THSD7B: variants seen among roughly 807,000 people sequenced by gnomAD.
THSD7B encodes thrombospondin type 1 domain containing 7B.
Under a neutral mutation model 213.6 loss-of-function variants are expected in THSD7B, and 138 were observed. The ratio of observed to expected loss-of-function variants is 0.65; its 90% CI spans 0.56 to 0.74. The LOEUF (loss-of-function observed/expected upper bound fraction) is 0.74. Ranked by LOEUF, THSD7B falls within the 30% of genes least tolerant of loss-of-function variation. The pLI is 0.00. For missense variants in THSD7B, 1,931 were observed against 1,991.5 expected (o/e 0.97, Z 0.58); for synonymous variants, 742 against 687.0 (o/e 1.08, Z -1.25).
At chr2:137,440,682 A>G (rs563848083) in intron 14 of THSD7B, among the ~76,000 whole-genome samples, 34 of 152,160 alleles carry the variant, frequency 2.2e-4, no homozygotes, top group African/African-American at 7.7e-4. Flanking sequence ...ATTTTATGTG[A>G]AATCTCCCAA....
chr2:137,625,820 T>C (rs1160445609), intron 20 of THSD7B, among the ~76,000 whole-genome samples: 2 of 152,226 alleles, frequency 1.3e-5, no homozygotes, highest in Admixed American at 1.3e-4. Context: ...GGAAACTCTG[T>C]GGCAGCTCCA....
intron 3 of THSD7B, among the ~76,000 whole-genome samples, chr2:137,079,862 T>A (rs1208838720): frequency 6.6e-6 from 1 of 152,158 alleles, no homozygotes; most frequent in African/African-American, 2.4e-5. Flanking sequence ...TGTTCTGGGA[T>A]GGAGTCTCAC....
chr2:136,769,594 T>G (rs990600760), intron 1 of THSD7B, among the ~76,000 whole-genome samples: 1 of 152,168 alleles, frequency 6.6e-6, no homozygotes, highest in Admixed American at 6.5e-5. Context: ...AGAACTACTT[T>G]AAGTGTGTAT....
At chr2:137,477,150 T>G (rs1244456741) in intron 15 of THSD7B, among the ~76,000 whole-genome samples, 1 of 152,232 alleles carries the variant, frequency 6.6e-6, no homozygotes, top group Non-Finnish European at 1.5e-5. Context: ...AGTCTGTCTC[T>G]TCCTGTAGAT....
intron 12 of THSD7B, among the ~76,000 whole-genome samples, chr2:137,311,843 C>T (rs376413701): frequency 0.15 from 21,735 of 145,476 alleles, 1,934 homozygotes; most frequent in Non-Finnish European, 0.2. Flanking sequence ...GCCTTGCATC[C>T]CAGGGATGAA....
intron 15 of THSD7B, among the ~76,000 whole-genome samples, chr2:137,531,961 G>T (rs997840741): frequency 1.3e-5 from 2 of 151,930 alleles, no homozygotes; most frequent in Non-Finnish European, 2.9e-5. Flanking sequence ...GCCAAATAGA[G>T]ATAATTAGCC....
chr2:137,584,238 G>T lies in THSD7B; in HGVS notation c.3423+11682G>T, dbSNP rs549057599. On this transcript the variant is annotated intron_variant, in intron 17 of 27. Coordinates refer to ENST00000409968, the MANE Select transcript of THSD7B (RefSeq NM_001316349.2). ...GCTTATCAGCTTAAGGAGATTTTGG[G>T]TTGAGATGATTAGGTTTTCTAAATA... 4.6e-5 allele frequency among the ~76,000 whole-genome samples: 7 copies of T among 152,310 alleles called. No individual in the cohort carries two copies. The South Asian group carries it at 6.2e-4, about 14-fold the overall frequency.
chr2:137,072,015 G>T (rs1347236478), intron 3 of THSD7B, among the ~76,000 whole-genome samples: 1 of 152,186 alleles, frequency 6.6e-6, no homozygotes, highest in Non-Finnish European at 1.5e-5. Flanking sequence ...CTGTAGCCTT[G>T]TAGTATAGTT....
chr2:137,363,519 GA>G (rs1685323789), intron 12 of THSD7B, among the ~76,000 whole-genome samples: 2 of 151,718 alleles, frequency 1.3e-5, no homozygotes, highest in Non-Finnish European at 1.5e-5. Context: ...AAAGAGAGAA[GA>G]ATCAAATAGA....
chr2:137,561,583 G>T (rs753679126), intron 15 of THSD7B, among the ~76,000 whole-genome samples: 2 of 152,124 alleles, frequency 1.3e-5, no homozygotes, highest in Non-Finnish European at 2.9e-5. Context: ...CATAAATTCA[G>T]TGAAAGCATC....
In THSD7B at chr2:137,073,489, A is replaced by C. The variant is rs189054738; in HGVS notation, c.950+16259A>C. 7.0e-3 allele frequency among the ~76,000 whole-genome samples: 1,065 copies of C among 152,162 alleles called. 13 individuals carry two copies. The highest frequency in any genetic ancestry group is 0.024 in the Middle Eastern group (7 of 294). On this transcript the variant is annotated intron_variant, in intron 3 of 27. Coordinates refer to ENST00000409968, the MANE Select transcript of THSD7B (RefSeq NM_001316349.2). The stretch of plus-strand genomic sequence containing the variant: ...TTTGATTCTTCTCTCTTTTCTTCTT[A>C]GTCTTGCTAGCGGTCTATCAATTTT...
At chr2:137,340,100 G>T (rs1242558720) in intron 12 of THSD7B, among the ~76,000 whole-genome samples, 1 of 151,784 alleles carries the variant, frequency 6.6e-6, no homozygotes, top group Admixed American at 6.6e-5. Flanking sequence ...GTCAATAAAA[G>T]TTGGAATCAC....
intron 1 of THSD7B, among the ~76,000 whole-genome samples, chr2:136,841,286 A>G (rs114447898): frequency 6.6e-6 from 1 of 152,118 alleles, no homozygotes; most frequent in African/African-American, 2.4e-5. Context: ...TTTAAAGGTA[A>G]TGCACATTTG....
intron 10 of THSD7B, among the ~76,000 whole-genome samples, chr2:137,271,429 A>ATGGCTTCATTC (rs1682733838): frequency 1.5e-5 from 2 of 135,720 alleles, no homozygotes; most frequent in African/African-American, 5.8e-5. Flanking sequence ...ATAATTATAT[A>ATGGCTTCATTC]ATATATATAA....
intron 2 of THSD7B, among the ~76,000 whole-genome samples, chr2:137,017,596 C>A (rs1260492467): frequency 6.6e-6 from 1 of 152,094 alleles, no homozygotes; most frequent in African/African-American, 2.4e-5. Context: ...TAGAAACAGA[C>A]TGTCAAGCCA....
At chr2:137,217,011 C>T (rs576469933) in intron 7 of THSD7B, among the ~76,000 whole-genome samples, 13 of 152,242 alleles carry the variant, frequency 8.5e-5, no homozygotes, top group African/African-American at 2.9e-4. Flanking sequence ...CTTTTTCTTA[C>T]CTAAATGAGA....
intron 13 of THSD7B, among the ~76,000 whole-genome samples, chr2:137,410,356 C>T (rs1466548595): frequency 6.6e-6 from 1 of 152,062 alleles, no homozygotes; most frequent in Non-Finnish European, 1.5e-5. Context: ...GCAACCTCCA[C>T]CTCCTCAGTT....
intron 15 of THSD7B, among the ~76,000 whole-genome samples, chr2:137,470,910 CTTTTTT>C (rs70978226): frequency 1.8e-4 from 21 of 119,820 alleles, no homozygotes; most frequent in Middle Eastern, 4.2e-3. Flanking sequence ...TTTTTCTTTA[CTTTTTT>C]TTTTTTTTTT....
chr2:137,444,487 AT>A (rs1422490783), intron 14 of THSD7B, among the ~76,000 whole-genome samples: 63 of 152,146 alleles, frequency 4.1e-4, no homozygotes, highest in African/African-American at 1.5e-3. Context: ...ACTTTTTAGT[AT>A]AGTGCATTTT....
Sources: gnomAD v4.1 joint callset for allele counts (sites outside exome capture counted in the v4.1 genomes callset) on GRCh38, gnomAD v4.1.1 for gene constraint, MANE v1.5 for transcripts, NCBI Gene and HGNC (gene_info 2026-07-23, HGNC 2026-07-21) for gene names.